The following SHANK2 variants were observed in gnomAD, a reference collection of about 807,000 sequenced individuals.
SHANK2 encodes SH3 and multiple ankyrin repeat domains protein 2.
A neutral mutation model predicts 133.7 loss-of-function variants in SHANK2; 43 were observed. The observed-to-expected ratio is 0.32, with a 90% CI of 0.25 to 0.41. The LOEUF is 0.41. Ranked by LOEUF, SHANK2 falls within the 10% of genes least tolerant of loss-of-function variation. The pLI is 1.00. For synonymous variants in SHANK2, 1,017 were observed against 952.8 expected (o/e 1.07, Z -1.24); for missense variants, 1,994 against 2,235.8 (o/e 0.89, Z 2.18).
At chr11:70,734,115 G>A (rs558744081) in intron 14 of SHANK2, among the ~76,000 whole-genome samples, 63 of 152,262 alleles carry the variant, frequency 4.1e-4, no homozygotes, top group Admixed American at 1.0e-3. Flanking sequence ...CCCCTGAGCC[G>A]CGCATCTGGG....
intron 14 of SHANK2, among the ~76,000 whole-genome samples, chr11:70,744,334 A>C (rs1285803107): frequency 6.6e-6 from 1 of 152,198 alleles, no homozygotes; most frequent in Non-Finnish European, 1.5e-5. Context: ...CACACCCTGC[A>C]GCAAGCATCA....
intron 6 of SHANK2, 47 bp from the exon 7 acceptor site, chr11:71,094,735 T>A: frequency 6.5e-7 from 1 of 1,534,442 alleles, no homozygotes; most frequent in South Asian, 1.2e-5. Context: ...TTTGTCACAC[T>A]GCTCACAAAG....
chr11:71,154,241 C>G (rs1320379659), intron 2 of SHANK2, among the ~76,000 whole-genome samples: 1 of 152,342 alleles, frequency 6.6e-6, no homozygotes. Context: ...GGTCAAACGG[C>G]TGCAGGACTG....
At chr11:71,113,452 G>T in intron 4 of SHANK2, 88 bp from the exon 5 acceptor site, 1 of 1,227,938 alleles carries the variant, frequency 8.1e-7, no homozygotes, top group Non-Finnish European at 1.2e-6. Context: ...CCTTGGCTAT[G>T]TCACAGAAGA....
rs114742440 is a variant in SHANK2 at position 70,921,648 on chromosome 11, C to T, written c.1108-25081G>A. ...GAGAAATGCTGGTAAGCACACGAGGCTCTCACTTGAAAGTGCTGAGGGCTA... is the reference window on the plus strand; with the variant it reads ...GAGAAATGCTGGTAAGCACACGAGGTTCTCACTTGAAAGTGCTGAGGGCTA... On this transcript the variant is annotated intron_variant, in intron 10 of 25. Transcript: ENST00000601538. Among the ~76,000 whole-genome samples the T allele has an allele frequency of 5.7e-3, 875 of 152,340 alleles. 12 individuals are homozygous for T. The highest frequency in any genetic ancestry group is 0.02 in the African/African-American group (836 of 41,574).
At chr11:71,190,973 C>T (rs181082980) in intron 2 of SHANK2, among the ~76,000 whole-genome samples, 134 of 152,090 alleles carry the variant, frequency 8.8e-4, no homozygotes, top group Non-Finnish European at 1.7e-3. Flanking sequence ...GGGACGTCTA[C>T]GCCACTTCTC....
At chr11:70,635,852 C>T (rs768815427) in intron 17 of SHANK2, among the ~76,000 whole-genome samples, 6 of 152,228 alleles carry the variant, frequency 3.9e-5, no homozygotes, top group Admixed American at 2.0e-4. Flanking sequence ...CCCTCGGTCA[C>T]GCTCATCTGC....
chr11:70,472,835 C>A lies in SHANK2; in HGVS notation c.*34G>T. On this transcript the variant is annotated 3_prime_UTR_variant, in exon 26 of 26. Coordinates refer to ENST00000601538, the MANE Select transcript of SHANK2 (RefSeq NM_012309.5). The surrounding 1 kb of genome is among the most constrained non-coding windows in gnomAD (Gnocchi z 4.4). ...AGCACGAGCCCATCTCTACTTATAACAAGAGCAGTCTGCGAGGTGGAGAGC... is the reference window on the plus strand; with the variant it reads ...AGCACGAGCCCATCTCTACTTATAAAAAGAGCAGTCTGCGAGGTGGAGAGC... 1 of 1,599,480 alleles carries A rather than the reference C, an allele frequency of 6.3e-7. No individual in the cohort carries two copies. Among genetic ancestry groups the A allele is most frequent in the African/African-American group, 1.3e-5 (1 of 74,750 alleles).
intron 17 of SHANK2, among the ~76,000 whole-genome samples, chr11:70,616,411 T>A (rs1053980530): frequency 1.3e-5 from 2 of 151,598 alleles, no homozygotes; most frequent in Non-Finnish European, 2.9e-5. Context: ...GGGCCTACAA[T>A]GAGATCAGAG....
At chr11:71,090,538 C>CTGTGTGTG (rs1491562406) in intron 8 of SHANK2, among the ~76,000 whole-genome samples, 1 of 4,632 alleles carries the variant, frequency 2.2e-4, no homozygotes, top group Non-Finnish European at 4.1e-4. Context: ...GAAACACAAC[C>CTGTGTGTG]TCTGTGTGTG....
intron 11 of SHANK2, among the ~76,000 whole-genome samples, chr11:70,861,806 G>A (rs1555067846): frequency 6.6e-6 from 1 of 152,160 alleles, no homozygotes; most frequent in Non-Finnish European, 1.5e-5. Flanking sequence ...CAGACCTCAG[G>A]GAGCTCAGAG....
intron 11 of SHANK2, among the ~76,000 whole-genome samples, chr11:70,836,333 TGC>T (rs1555060048): frequency 6.6e-6 from 1 of 152,226 alleles, no homozygotes; most frequent in Non-Finnish European, 1.5e-5. Flanking sequence ...CCACCCTTGC[TGC>T]TTGAGACCTC....
chr11:70,502,137 T>C, intron 19 of SHANK2, 69 bp downstream of exon 19: 1 of 1,490,554 alleles, frequency 6.7e-7, no homozygotes, highest in Non-Finnish European at 9.2e-7. Context: ...CACAGCCTGG[T>C]GCTTTGCAAA....
At chr11:70,743,496 C>CAA (rs782301764) in intron 14 of SHANK2, among the ~76,000 whole-genome samples, 5 of 152,210 alleles carry the variant, frequency 3.3e-5, no homozygotes, top group Non-Finnish European at 7.3e-5. Context: ...TTGTTTGAGC[C>CAA]ACACAGTCTA....
At chr11:70,608,613 C>T (rs1209456660) in intron 17 of SHANK2, among the ~76,000 whole-genome samples, 2 of 152,204 alleles carry the variant, frequency 1.3e-5, no homozygotes, top group Admixed American at 1.3e-4. Flanking sequence ...ACTGTCCCTC[C>T]TCCTCTTGGC....
At chr11:70,507,236 G>T (rs1257220204) in intron 17 of SHANK2, among the ~76,000 whole-genome samples, 1 of 152,166 alleles carries the variant, frequency 6.6e-6, no homozygotes, top group Admixed American at 6.5e-5. Flanking sequence ...TGTGGCTCTT[G>T]CCAGCCACCA....
chr11:70,653,084 T>C (rs2061356414), intron 17 of SHANK2, among the ~76,000 whole-genome samples: 1 of 152,026 alleles, frequency 6.6e-6, no homozygotes, highest in African/African-American at 2.4e-5. Context: ...ACCATTCTCC[T>C]GCCCCAGCCT....
intron 1 of SHANK2, among the ~76,000 whole-genome samples, chr11:71,244,944 T>C (rs1284315474): frequency 6.6e-6 from 1 of 152,094 alleles, no homozygotes; most frequent in Non-Finnish European, 1.5e-5. Flanking sequence ...CCTCAAGTGA[T>C]CCACCCGTCT....
intron 11 of SHANK2, among the ~76,000 whole-genome samples, chr11:70,822,132 C>T (rs1555056074): frequency 6.6e-6 from 1 of 152,266 alleles, no homozygotes; most frequent in East Asian, 1.9e-4. Flanking sequence ...AAACCACCAT[C>T]ACTGGGGGGC....
Sources: gnomAD v4.1 joint callset for allele counts (sites outside exome capture counted in the v4.1 genomes callset) on GRCh38, gnomAD v4.1.1 for gene constraint, Gnocchi (gnomAD v3.1) non-coding constraint, MANE v1.5 for transcripts, NCBI Gene and HGNC (gene_info 2026-07-23, HGNC 2026-07-21) for gene names.